The following TMEFF2 variants were observed in gnomAD, a reference collection of about 807,000 sequenced individuals.
The protein encoded by TMEFF2 is transmembrane protein with EGF like and two follistatin like domains 2.
Under a neutral mutation model 53.8 loss-of-function variants are expected in TMEFF2, and 28 were observed. The ratio of observed to expected loss-of-function variants is 0.52; its 90% CI spans 0.39 to 0.71. The LOEUF is 0.71. TMEFF2 is among the 30% of genes least tolerant of loss of function. TMEFF2 has a pLI of 0.00. For synonymous variants in TMEFF2, 162 were observed against 166.3 expected, an observed-to-expected ratio of 0.97 and a Z score of 0.20; for missense variants, 353 against 455.2, an observed-to-expected ratio of 0.78 and a Z score of 2.04.
intron 7 of TMEFF2, among the ~76,000 whole-genome samples, chr2:191,981,644 T>C (rs982164372): frequency 1.3e-5 from 2 of 152,218 alleles, no homozygotes; most frequent in African/African-American, 4.8e-5. Flanking sequence ...ATTTGAATAA[T>C]TATAATTTGG....
intron 5 of TMEFF2, among the ~76,000 whole-genome samples, chr2:192,010,213 T>G (rs1485052381): frequency 6.6e-6 from 1 of 152,186 alleles, no homozygotes; most frequent in Non-Finnish European, 1.5e-5. Flanking sequence ...TGGTGGCATT[T>G]TAGTTTACAG....
chr2:192,046,369 A>G (rs995384161), intron 5 of TMEFF2, among the ~76,000 whole-genome samples: 1 of 152,156 alleles, frequency 6.6e-6, no homozygotes, highest in South Asian at 2.1e-4. Context: ...GTCTCAAAGA[A>G]AAAAAAGAAA....
At chr2:192,087,188 C>T (rs28540312) in intron 4 of TMEFF2, among the ~76,000 whole-genome samples, 11,810 of 151,732 alleles carry the variant, frequency 0.078, 927 homozygotes, top group African/African-American at 0.2. Context: ...TTCAGAAAAA[C>T]GATAGAGTAA....
rs764218539 is a variant in TMEFF2 at position 191,972,308 on chromosome 2, CTTTTTTTTTTT to C, written c.746-15941_746-15931del. Among the ~76,000 whole-genome samples the C allele has an allele frequency of 1.9e-4, 14 of 72,824 alleles. No homozygotes were observed. In the South Asian group the frequency reaches 2.4e-3, roughly 13 times the overall value. 47.8% of individuals were successfully genotyped at this position (72,824 alleles called of 152,430 possible). A position where few individuals can be genotyped will look rare whatever the true frequency, so the allele number is the denominator to read the frequency against. The stretch of plus-strand genomic sequence containing the variant: ...TACAGGCACCCACCATCATGCCCAG[CTTTTTTTTTTT>C]TTTTTTTTTTTTTTTTGTATTTTTG... On this transcript the variant is annotated intron_variant, in intron 7 of 9. Coordinates refer to ENST00000272771, the MANE Select transcript of TMEFF2 (RefSeq NM_016192.4).
chr2:191,951,106 A>G (rs1395198000), intron 9 of TMEFF2, among the ~76,000 whole-genome samples: 2 of 152,114 alleles, frequency 1.3e-5, no homozygotes, highest in Non-Finnish European at 2.9e-5. Context: ...ATATATAAAA[A>G]TATATGAATA....
Position 191,949,059 on chromosome 2 carries a change from A to AAGAG in TMEFF2, c.*1248_*1251dup, listed in dbSNP as rs1319197384. On this transcript the variant is annotated 3_prime_UTR_variant, in exon 10 of 10. Transcript: ENST00000272771. ...ACGCACAGGTTATTTGAAGGAGACA[A>AAGAG]AGAGAGCTTTATTTAAATTTACTGT... 5 of 984,660 alleles carry AAGAG rather than the reference A, an allele frequency of 5.1e-6. No individual in the cohort carries two copies. The highest frequency in any genetic ancestry group is 2.3e-4 in the East Asian group (2 of 8,828). The allele number at this position is 984,660 out of a possible 1,614,324, so 61.0% of individuals were successfully genotyped here.
chr2:191,979,619 A>T (rs370561487), intron 7 of TMEFF2, among the ~76,000 whole-genome samples: 2 of 152,296 alleles, frequency 1.3e-5, no homozygotes, highest in South Asian at 2.1e-4. Flanking sequence ...TTCAAATGCC[A>T]TACATTTGCA....
chr2:192,110,986 C>T (rs2105955030), intron 4 of TMEFF2, among the ~76,000 whole-genome samples: 1 of 152,244 alleles, frequency 6.6e-6, no homozygotes, highest in East Asian at 1.9e-4. Flanking sequence ...TAAGACATGC[C>T]TTTTGCCATG....
intron 5 of TMEFF2, among the ~76,000 whole-genome samples, chr2:192,019,986 TA>T (rs1471720909): frequency 6.6e-6 from 1 of 152,116 alleles, no homozygotes; most frequent in Non-Finnish European, 1.5e-5. Flanking sequence ...ACTAAAATAG[TA>T]GGTTTCATAC....
Position 192,093,642 on chromosome 2 carries a change from G to A in TMEFF2, c.440-35867C>T, listed in dbSNP as rs964947777. On this transcript the variant is annotated intron_variant, in intron 4 of 9. Coordinates refer to ENST00000272771, the MANE Select transcript of TMEFF2 (RefSeq NM_016192.4). Reference sequence around the variant, plus strand: ...TGAATGAGAACCAGACAAAAGAGACGGCACCAGGAATCTCCATAGAAAATT... The same window carrying A: ...TGAATGAGAACCAGACAAAAGAGACAGCACCAGGAATCTCCATAGAAAATT... Among the ~76,000 whole-genome samples the A allele has an allele frequency of 3.9e-5, 6 of 152,074 alleles. No individual in the cohort carries two copies. In the Middle Eastern group the frequency reaches 0.01, roughly 259 times the overall value.
At position 191,950,189 on chromosome 2, in the gene TMEFF2, G is replaced by T; in HGVS notation, c.*122C>A. 6.6e-7 allele frequency: 1 copy of T among 1,505,502 alleles called. No homozygotes were observed. The allele number at this position is 1,505,502 out of a possible 1,614,324, so 93.3% of individuals were successfully genotyped here. ...TATAGCTGTAGTACATGTTTTCATT[G>T]GTGTAGATTACCACAAATGCAAGGC... On this transcript the variant is annotated 3_prime_UTR_variant, in exon 10 of 10. Transcript: ENST00000272771.
chr2:192,108,955 C>T (rs1175700404), intron 4 of TMEFF2, among the ~76,000 whole-genome samples: 4 of 151,890 alleles, frequency 2.6e-5, no homozygotes, highest in Non-Finnish European at 4.4e-5. Context: ...ATATAGTTCA[C>T]GATTCCATTT....
intron 4 of TMEFF2, among the ~76,000 whole-genome samples, chr2:192,060,445 C>T (rs1044918452): frequency 4.6e-5 from 7 of 152,174 alleles, no homozygotes; most frequent in Non-Finnish European, 1.0e-4. Flanking sequence ...GAAATTAATG[C>T]ATCATGACTT....
At chr2:191,976,304 A>G (rs1407248529) in intron 7 of TMEFF2, among the ~76,000 whole-genome samples, 1 of 152,236 alleles carries the variant, frequency 6.6e-6, no homozygotes, top group African/African-American at 2.4e-5. Context: ...GAGGATCCAT[A>G]TAAAACCCTC....
intron 4 of TMEFF2, among the ~76,000 whole-genome samples, chr2:192,158,808 T>C (rs968788170): frequency 3.3e-5 from 5 of 152,118 alleles, no homozygotes. Context: ...CAATAGGAAA[T>C]CTTTAGTACA....
At chr2:192,172,187 T>G (rs1214737290) in intron 4 of TMEFF2, among the ~76,000 whole-genome samples, 1 of 147,074 alleles carries the variant, frequency 6.8e-6, no homozygotes, top group Non-Finnish European at 1.5e-5. Context: ...TGAGAACTCA[T>G]ATGGGCCACG....
intron 4 of TMEFF2, among the ~76,000 whole-genome samples, chr2:192,104,736 A>G (rs1445050168): frequency 6.6e-6 from 1 of 151,962 alleles, no homozygotes; most frequent in African/African-American, 2.4e-5. Flanking sequence ...CAATTCAGCC[A>G]TTCTGCAATT....
At chr2:192,140,080 A>C (rs1574409234) in intron 4 of TMEFF2, among the ~76,000 whole-genome samples, 1 of 152,190 alleles carries the variant, frequency 6.6e-6, no homozygotes, top group African/African-American at 2.4e-5. Flanking sequence ...TGATCTTGAC[A>C]GGTTAAAGGG....
chr2:192,096,350 T>C (rs1428562282), intron 4 of TMEFF2, among the ~76,000 whole-genome samples: 1 of 152,156 alleles, frequency 6.6e-6, no homozygotes, highest in African/African-American at 2.4e-5. Context: ...GTATGCTAGA[T>C]TAATTTTTAG....
Sources: gnomAD v4.1 joint callset for allele counts (sites outside exome capture counted in the v4.1 genomes callset) on GRCh38, gnomAD v4.1.1 for gene constraint, MANE v1.5 for transcripts, NCBI Gene and HGNC (gene_info 2026-07-23, HGNC 2026-07-21) for gene names.